Variants in TSPAN11 observed in about 807,000 individuals in gnomAD.
The protein encoded by TSPAN11 is tetraspanin 11.
In TSPAN11, 29 loss-of-function variants were observed where a neutral mutation model predicts 32.9. The ratio of observed to expected loss-of-function variants is 0.88; its 90% CI spans 0.66 to 1.20. The LOEUF is 1.20. Ranked by LOEUF, TSPAN11 falls within the 50% of genes most tolerant of loss-of-function variation. The pLI is 0.00. For missense variants in TSPAN11, 283 were observed against 329.1 expected (o/e 0.86, Z 1.08); for synonymous variants, 140 against 141.3 (o/e 0.99, Z 0.07).
chr12:30,963,749 C>A, intron 2 of TSPAN11, 77 bp from the exon 3 acceptor site: 1 of 1,495,688 alleles, frequency 6.7e-7, no homozygotes, highest in East Asian at 2.3e-5. Context: ...AAGTGCCTGG[C>A]ACCCTGTGGG....
chr12:30,983,480 C>G (rs56375429), intron 7 of TSPAN11, among the ~76,000 whole-genome samples: 8 of 152,042 alleles, frequency 5.3e-5, no homozygotes, highest in Non-Finnish European at 1.2e-4. Context: ...ATCTGTGGTA[C>G]GTGTGTCTGC....
chr12:30,989,862 T>A (rs1418649333), intron 7 of TSPAN11, among the ~76,000 whole-genome samples: 1 of 152,164 alleles, frequency 6.6e-6, no homozygotes, highest in South Asian at 2.1e-4. Context: ...GTTAAAAATG[T>A]CCCATGTGTG....
rs1939367682 is a variant in TSPAN11 at position 30,993,969 on chromosome 12, C to T, written c.*2054C>T. ...CCCAGGACAGCCTGCCCCATCTGCC[C>T]CAGCCCCATGGGATGGTTGGTCCAG... On this transcript the variant is annotated 3_prime_UTR_variant, in exon 8 of 8. Coordinates refer to ENST00000546076, the MANE Select transcript of TSPAN11 (RefSeq NM_001370302.1). 1 of 152,260 alleles carries T rather than the reference C, an allele frequency of 6.6e-6. No homozygotes were observed. Among genetic ancestry groups the T allele is most frequent in the Non-Finnish European group, 1.5e-5 (1 of 68,100 alleles). The allele number at this position is 152,260 out of a possible 1,614,324, so 9.4% of individuals were successfully genotyped here. A position where few individuals can be genotyped will look rare whatever the true frequency, so the allele number is the denominator to read the frequency against.
intron 3 of TSPAN11, among the ~76,000 whole-genome samples, chr12:30,971,068 C>CT (rs1336438227): frequency 6.6e-6 from 1 of 152,206 alleles, no homozygotes; most frequent in Non-Finnish European, 1.5e-5. Context: ...CTCCCTGCAA[C>CT]TTAACCTTGG....
chr12:30,937,320 A>G (rs1177853294), intron 1 of TSPAN11, among the ~76,000 whole-genome samples: 1 of 152,182 alleles, frequency 6.6e-6, no homozygotes, highest in Non-Finnish European at 1.5e-5. Flanking sequence ...ATGCATGGTC[A>G]TTAGGTTGAA....
intron 5 of TSPAN11, among the ~76,000 whole-genome samples, chr12:30,981,458 T>G (rs2140305752): frequency 6.6e-6 from 1 of 152,276 alleles, no homozygotes; most frequent in African/African-American, 2.4e-5. Flanking sequence ...TTGTCTGCAT[T>G]TTACAAATGA....
intron 1 of TSPAN11, among the ~76,000 whole-genome samples, chr12:30,941,474 T>A (rs1938162988): frequency 2.0e-5 from 3 of 152,238 alleles, no homozygotes; most frequent in Non-Finnish European, 4.4e-5. Context: ...GCCACATTTT[T>A]ACCCAACCCA....
chr12:31,001,686 A>T, the TSPAN11 span, among the ~76,000 whole-genome samples: 3 of 152,118 alleles, frequency 2.0e-5, no homozygotes, highest in African/African-American at 7.2e-5. Context: ...TTTGCTGAGC[A>T]CCAGTGGGGA....
chr12:30,994,099 C>T lies in TSPAN11; in HGVS notation c.*2184C>T, dbSNP rs1024537623. On this transcript the variant is annotated 3_prime_UTR_variant, in exon 8 of 8. Coordinates refer to ENST00000546076, the MANE Select transcript of TSPAN11 (RefSeq NM_001370302.1). ...AAGCGGCAGACAGTGGTAGAACAAC[C>T]CAGGGCTTGGAAATCTGACCTCCTT... 3 of 152,396 alleles carry T rather than the reference C, an allele frequency of 2.0e-5. No individual in the cohort carries two copies. The highest frequency in any genetic ancestry group is 6.8e-3 in the Middle Eastern group (2 of 294). 9.4% of individuals were successfully genotyped at this position (152,396 alleles called of 1,614,324 possible).
chr12:30,959,375 CA>C (rs762858490), intron 2 of TSPAN11, among the ~76,000 whole-genome samples: 1 of 152,060 alleles, frequency 6.6e-6, no homozygotes, highest in Non-Finnish European at 1.5e-5. Context: ...AGAGAAAGGG[CA>C]GAGAGAACAA....
chr12:30,965,509 C>T (rs563937884), intron 3 of TSPAN11, among the ~76,000 whole-genome samples: 31 of 152,244 alleles, frequency 2.0e-4, no homozygotes, highest in African/African-American at 7.5e-4. Context: ...TGTGGAGCCA[C>T]TGAAGGCCAG....
chr12:31,003,303 C>G, the TSPAN11 span, among the ~76,000 whole-genome samples: 1 of 152,202 alleles, frequency 6.6e-6, no homozygotes, highest in Non-Finnish European at 1.5e-5. Context: ...AGGCAAGGGG[C>G]TTGGAGGAAC....
At position 30,977,585 on chromosome 12, in the gene TSPAN11, C is replaced by T. The variant is rs529083458; in HGVS notation, c.277-976C>T. On this transcript the variant is annotated intron_variant, in intron 3 of 7. Coordinates refer to ENST00000546076, the MANE Select transcript of TSPAN11 (RefSeq NM_001370302.1). ...CTCTCTCCTTGTCCCTGTCTGTGAG[C>T]TCCGTGGCTGCCTGTAGCCAGCTTC... 5.3e-5 allele frequency among the ~76,000 whole-genome samples: 8 copies of T among 152,308 alleles called. No individual in the cohort carries two copies. The East Asian group carries it at 1.5e-3, about 29-fold the overall frequency.
At chr12:30,964,106 A>G (rs1275790489) in intron 3 of TSPAN11, 89 bp downstream of exon 3, 2 of 1,476,842 alleles carry the variant, frequency 1.4e-6, no homozygotes, top group African/African-American at 1.4e-5. Flanking sequence ...CCAGCCCTGG[A>G]GTGGGAGGGG....
intron 3 of TSPAN11, among the ~76,000 whole-genome samples, chr12:30,977,619 C>T (rs552202974): frequency 3.9e-5 from 6 of 152,290 alleles, no homozygotes; most frequent in East Asian, 3.9e-4. Context: ...TCATCCCCCT[C>T]TCCGTGCTCC....
At chr12:30,945,849 G>GC (rs1227338007) in intron 1 of TSPAN11, among the ~76,000 whole-genome samples, 1 of 151,788 alleles carries the variant, frequency 6.6e-6, no homozygotes, top group Non-Finnish European at 1.5e-5. Context: ...GACATTAATG[G>GC]CCCCCAGGGC....
intron 1 of TSPAN11, among the ~76,000 whole-genome samples, chr12:30,951,349 C>T (rs1938377397): frequency 6.6e-6 from 1 of 152,162 alleles, no homozygotes; most frequent in South Asian, 2.1e-4. Context: ...AAGTTCTATT[C>T]TAACAAATAT....
At chr12:30,956,976 G>T (rs867321440) in intron 2 of TSPAN11, among the ~76,000 whole-genome samples, 2 of 152,236 alleles carry the variant, frequency 1.3e-5, no homozygotes, top group East Asian at 3.9e-4. Context: ...GATACATGGG[G>T]CTAAGACAGG....
intron 2 of TSPAN11, among the ~76,000 whole-genome samples, chr12:30,959,779 CA>C (rs1169712019): frequency 0.036 from 1,410 of 39,684 alleles, 12 homozygotes; most frequent in African/African-American, 0.1. Flanking sequence ...GACTCTGTCT[CA>C]AAAAAAAAAA....
Sources: gnomAD v4.1 joint callset for allele counts (sites outside exome capture counted in the v4.1 genomes callset) on GRCh38, gnomAD v4.1.1 for gene constraint, MANE v1.5 for transcripts, NCBI Gene and HGNC (gene_info 2026-07-23, HGNC 2026-07-21) for gene names.